The following PPP2R3A variants were observed in gnomAD, a reference collection of about 807,000 sequenced individuals.
PPP2R3A encodes the protein protein phosphatase 2 regulatory subunit B''alpha.
A neutral mutation model predicts 106.9 loss-of-function variants in PPP2R3A; 80 were observed. The observed-to-expected ratio is 0.75, with a 90% CI of 0.62 to 0.90. The LOEUF (loss-of-function observed/expected upper bound fraction) is 0.90, where lower values mean the gene tolerates loss of function less well. Among genes scored for constraint, PPP2R3A ranks in the 40% least tolerant of loss-of-function variants. The probability of loss-of-function intolerance (pLI) is 0.00; values close to 1 mark genes in which losing one functional copy is unlikely to be tolerated. For synonymous variants in PPP2R3A, 483 were observed against 468.3 expected (o/e 1.03, Z -0.41); for missense variants, 1,386 against 1,350.4 (o/e 1.03, Z -0.41).
chr3:136,132,052 A>T (rs899981562), intron 13 of PPP2R3A, among the ~76,000 whole-genome samples: 1 of 151,980 alleles, frequency 6.6e-6, no homozygotes, highest in Non-Finnish European at 1.5e-5. Context: ...ATTGGGAGAG[A>T]TACCTAATGT....
intron 5 of PPP2R3A, among the ~76,000 whole-genome samples, 153 bp downstream of exon 5, chr3:136,049,514 C>G (rs1935599667): frequency 1.0e-5 from 1 of 98,424 alleles, no homozygotes; most frequent in Non-Finnish European, 2.0e-5. Flanking sequence ...GCAGTAAGAT[C>G]CTCTCGTTAA....
intron 13 of PPP2R3A, among the ~76,000 whole-genome samples, chr3:136,107,542 G>A (rs1338926096): frequency 1.3e-5 from 2 of 149,088 alleles, no homozygotes; most frequent in Non-Finnish European, 3.0e-5. Flanking sequence ...GGTCTAGAGG[G>A]ATAAACAGAA....
chr3:136,084,453 C>G (rs552104974), intron 8 of PPP2R3A, among the ~76,000 whole-genome samples: 1 of 152,358 alleles, frequency 6.6e-6, no homozygotes, highest in South Asian at 2.1e-4. Context: ...AAATTTGCTG[C>G]AGGGGCAGAG....
At chr3:136,023,262 A>G in intron 2 of PPP2R3A, 2 of 1,223,638 alleles carry the variant, frequency 1.6e-6, no homozygotes, top group Non-Finnish European at 2.3e-6. Flanking sequence ...TATTTTTATT[A>G]CTAATAAAAC....
intron 1 of PPP2R3A, among the ~76,000 whole-genome samples, chr3:135,976,542 GTTTA>G (rs989126851): frequency 5.9e-5 from 9 of 152,208 alleles, no homozygotes; most frequent in Admixed American, 1.3e-4. Context: ...GCCTTTTCTT[GTTTA>G]TTTATGTTGT....
intron 7 of PPP2R3A, among the ~76,000 whole-genome samples, chr3:136,078,959 C>T (rs963642825): frequency 6.6e-6 from 1 of 152,162 alleles, no homozygotes; most frequent in African/African-American, 2.4e-5. Flanking sequence ...AAAGTATTGA[C>T]CACTAGTGGG....
intron 10 of PPP2R3A, among the ~76,000 whole-genome samples, chr3:136,092,808 G>A (rs982144163): frequency 5.3e-5 from 8 of 152,082 alleles, no homozygotes; most frequent in East Asian, 1.9e-4. Flanking sequence ...AAATAGTGCC[G>A]GAACAACTGG....
At chr3:135,990,660 T>TA (rs1041462714) in intron 1 of PPP2R3A, among the ~76,000 whole-genome samples, 1 of 152,102 alleles carries the variant, frequency 6.6e-6, no homozygotes, top group African/African-American at 2.4e-5. Context: ...GACTTAAAGA[T>TA]AAAAGTCTTA....
chr3:135,979,353 A>G (rs60070757), intron 1 of PPP2R3A, among the ~76,000 whole-genome samples: 50,859 of 150,706 alleles, frequency 0.34, 9,693 homozygotes, highest in African/African-American at 0.5. Context: ...CTCTCCAGTG[A>G]CAGAAGGAGA....
At chr3:136,055,394 C>G in intron 5 of PPP2R3A, 5 of 983,478 alleles carry the variant, frequency 5.1e-6, no homozygotes, top group East Asian at 2.4e-5. Context: ...TCCTCTGACC[C>G]TCTTATCCCC....
intron 5 of PPP2R3A, among the ~76,000 whole-genome samples, chr3:136,049,713 C>T (rs1248218925): frequency 6.6e-6 from 1 of 152,148 alleles, no homozygotes; most frequent in Non-Finnish European, 1.5e-5. Context: ...GATAACTTCT[C>T]TGTTAGCGTA....
intron 4 of PPP2R3A, among the ~76,000 whole-genome samples, chr3:136,043,891 A>G (rs1332170224): frequency 6.6e-6 from 1 of 152,192 alleles, no homozygotes; most frequent in African/African-American, 2.4e-5. Flanking sequence ...TTCTCCTGCC[A>G]TAGAGTTGAC....
At chr3:135,966,041 GCGGTGCGGTGCGGTGCGTTGCCT>G in intron 1 of PPP2R3A, among the ~76,000 whole-genome samples, 192 bp downstream of exon 1, 1 of 152,030 alleles carries the variant, frequency 6.6e-6, no homozygotes, top group African/African-American at 2.4e-5. Context: ...TCCAGTCGGT[GCGGTGCGGTGCGGTGCGTTGCCT>G]CGGCGCGGCC....
At position 136,055,400 on chromosome 3, in the gene PPP2R3A, T is replaced by G. The variant is rs1433673008; in HGVS notation, c.2469+6039T>G. 11 of 989,202 alleles carry G rather than the reference T, an allele frequency of 1.1e-5. No individual in the cohort carries two copies. The African/African-American group carries it at 1.7e-4, about 16-fold the overall frequency. 61.3% of individuals were successfully genotyped at this position (989,202 alleles called of 1,614,324 possible). ...GGTAGGACTTCCTCTGACCCTCTTA[T>G]CCCCTGTTGCTCTCCGAGGTGCCAT... On this transcript the variant is annotated intron_variant, in intron 5 of 13. Coordinates refer to ENST00000264977, the MANE Select transcript of PPP2R3A (RefSeq NM_002718.5).
rs1479437572 is a variant in PPP2R3A at position 136,007,551 on chromosome 3, G to A, written c.1995+4058G>A. ...TAGGAAGGGTCTGGTCACCTTTCCT[G>A]GCAAGAGGGAAAGACATCATGTGAG... On this transcript the variant is annotated intron_variant, in intron 2 of 13. Coordinates refer to ENST00000264977, the MANE Select transcript of PPP2R3A (RefSeq NM_002718.5). Among the ~76,000 whole-genome samples, 4 of 152,284 alleles carry A rather than the reference G, an allele frequency of 2.6e-5. No individual in the cohort carries two copies. In the East Asian group the frequency reaches 7.7e-4, roughly 29 times the overall value.
chr3:135,985,420 GTCTC>G (rs900060765), intron 1 of PPP2R3A, among the ~76,000 whole-genome samples: 1 of 129,544 alleles, frequency 7.7e-6, no homozygotes, highest in African/African-American at 3.0e-5. Context: ...CGCTCTCTCT[GTCTC>G]TCTCTCTCCC....
chr3:136,007,426 A>G (rs1301644428), intron 2 of PPP2R3A, among the ~76,000 whole-genome samples: 1 of 152,208 alleles, frequency 6.6e-6, no homozygotes, highest in Non-Finnish European at 1.5e-5. Context: ...TGCCCTTCTC[A>G]GACTTCAGGG....
intron 6 of PPP2R3A, among the ~76,000 whole-genome samples, chr3:136,075,888 AT>A (rs1936580425): frequency 6.6e-6 from 1 of 152,212 alleles, no homozygotes; most frequent in South Asian, 2.1e-4. Context: ...CAAATTCTTA[AT>A]GTTTATTTTC....
intron 10 of PPP2R3A, among the ~76,000 whole-genome samples, chr3:136,093,246 C>G (rs1937135960): frequency 6.6e-6 from 1 of 152,030 alleles, no homozygotes; most frequent in South Asian, 2.1e-4. Flanking sequence ...CCGTCTCTAC[C>G]AGAAATACGA....
Sources: allele counts gnomAD v4.1 joint callset (sites outside exome capture counted in the v4.1 genomes callset), GRCh38; gene constraint gnomAD v4.1.1; transcripts MANE v1.5; gene names NCBI Gene and HGNC (gene_info 2026-07-23, HGNC 2026-07-21).